Variants in KCND2 observed in about 807,000 individuals in gnomAD.
The protein encoded by KCND2 is A-type voltage-gated potassium channel KCND2.
KCND2 carries 16 observed loss-of-function variants against 54.4 expected under a neutral mutation model. The ratio of observed to expected loss-of-function variants is 0.29; its 90% confidence interval spans 0.20 to 0.45. KCND2 has a LOEUF of 0.45. Ranked by LOEUF, KCND2 falls within the 20% of genes least tolerant of loss-of-function variation. The pLI, the probability that KCND2 is intolerant of heterozygous loss-of-function variation, is 1.00. For synonymous variants in KCND2, 317 were observed against 310.7 expected (o/e 1.02, Z -0.21); for missense variants, 486 against 824.2 (o/e 0.59, Z 5.02).
At chr7:120,671,466 C>A (rs534426215) in intron 1 of KCND2, among the ~76,000 whole-genome samples, 2 of 152,076 alleles carry the variant, frequency 1.3e-5, no homozygotes, top group South Asian at 4.2e-4. Flanking sequence ...GAGGTGGGGA[C>A]CTCTGCCATA....
At chr7:120,682,099 G>A (rs1465804522) in intron 1 of KCND2, among the ~76,000 whole-genome samples, 1 of 152,016 alleles carries the variant, frequency 6.6e-6, no homozygotes, top group Non-Finnish European at 1.5e-5. Context: ...GAGAACGTAA[G>A]TTATCATAAC....
intron 1 of KCND2, among the ~76,000 whole-genome samples, chr7:120,627,630 C>G (rs1043022649): frequency 3.3e-5 from 5 of 152,078 alleles, no homozygotes; most frequent in African/African-American, 1.2e-4. Context: ...GATGAGCTAG[C>G]CTTTTCTATT....
At chr7:120,708,550 G>A (rs1201992972) in intron 1 of KCND2, among the ~76,000 whole-genome samples, 2 of 152,024 alleles carry the variant, frequency 1.3e-5, no homozygotes, top group Admixed American at 6.6e-5. Flanking sequence ...ATTATAAAAT[G>A]TATTATGTAT....
chr7:120,599,554 T>C (rs1452618552), intron 1 of KCND2, among the ~76,000 whole-genome samples: 1 of 152,078 alleles, frequency 6.6e-6, no homozygotes, highest in Non-Finnish European at 1.5e-5. Flanking sequence ...CACATTTTGC[T>C]ACATTTAAAT....
rs994365192 is a variant in KCND2 at position 120,335,452 on chromosome 7, TTTATTTACTTACTTAC to T, written c.1115+59713_1115+59728del. ...ATGGCTTGCTTTATTTATTTATTTA[TTTATTTACTTACTTAC>T]TTATTTATTTATTTATTTATTTATT... On this transcript the variant is annotated intron_variant, in intron 1 of 5. Transcript: ENST00000331113. 5.2e-5 allele frequency among the ~76,000 whole-genome samples: 7 copies of T among 134,528 alleles called. No individual in the cohort carries two copies. The East Asian group carries it at 1.1e-3, about 20-fold the overall frequency. 88.3% of individuals were successfully genotyped at this position (134,528 alleles called of 152,430 possible). A position where few individuals can be genotyped will look rare whatever the true frequency, so the allele number is the denominator to read the frequency against.
chr7:120,389,260 A>T (rs1801038051), intron 1 of KCND2, among the ~76,000 whole-genome samples: 1 of 151,932 alleles, frequency 6.6e-6, no homozygotes, highest in Non-Finnish European at 1.5e-5. Context: ...TATTATATAT[A>T]TGCCTAAGAT....
intron 1 of KCND2, among the ~76,000 whole-genome samples, chr7:120,687,176 C>G (rs1247885782): frequency 6.6e-6 from 1 of 152,084 alleles, no homozygotes; most frequent in Non-Finnish European, 1.5e-5. Context: ...TACATGATTC[C>G]ACGTTCTTCT....
At chr7:120,637,798 T>A (rs1196946363) in intron 1 of KCND2, among the ~76,000 whole-genome samples, 3 of 152,114 alleles carry the variant, frequency 2.0e-5, no homozygotes, top group Admixed American at 6.6e-5. Flanking sequence ...ATCAATAGTC[T>A]GGCAAGTACG....
At chr7:120,550,309 A>G (rs550625149) in intron 1 of KCND2, among the ~76,000 whole-genome samples, 2 of 152,156 alleles carry the variant, frequency 1.3e-5, no homozygotes, top group South Asian at 4.2e-4. Flanking sequence ...TATTTTACCA[A>G]TGGGGGAAAA....
At chr7:120,428,569 T>C (rs1193363239) in intron 1 of KCND2, among the ~76,000 whole-genome samples, 1 of 152,200 alleles carries the variant, frequency 6.6e-6, no homozygotes, top group Non-Finnish European at 1.5e-5. Context: ...AAGTGGCAGA[T>C]GGCAAAAGAC....
At chr7:120,496,678 C>A (rs1802852537) in intron 1 of KCND2, among the ~76,000 whole-genome samples, 2 of 152,246 alleles carry the variant, frequency 1.3e-5, no homozygotes, top group African/African-American at 4.8e-5. Context: ...CCTGCCTCGG[C>A]CTCCCAAAGT....
intron 1 of KCND2, among the ~76,000 whole-genome samples, chr7:120,640,624 CA>C (rs966330239): frequency 2.3e-4 from 33 of 142,784 alleles, no homozygotes; most frequent in East Asian, 8.0e-4. Flanking sequence ...ATCAAATGTC[CA>C]AAAAAAAAAG....
intron 1 of KCND2, among the ~76,000 whole-genome samples, chr7:120,359,627 T>G (rs1435840488): frequency 1.3e-5 from 2 of 152,160 alleles, no homozygotes; most frequent in Non-Finnish European, 2.9e-5. Flanking sequence ...TAAGAACTTC[T>G]TTTGATAATA....
intron 1 of KCND2, among the ~76,000 whole-genome samples, chr7:120,610,608 C>T (rs1792941890): frequency 6.6e-6 from 1 of 152,068 alleles, no homozygotes; most frequent in Admixed American, 6.6e-5. Context: ...TGCGGGTCTG[C>T]AGACTTGTAC....
intron 1 of KCND2, among the ~76,000 whole-genome samples, chr7:120,489,103 A>T (rs1480352731): frequency 1.3e-5 from 2 of 152,124 alleles, no homozygotes; most frequent in Non-Finnish European, 2.9e-5. Flanking sequence ...CATGGGCCAA[A>T]ATAATACTAT....
intron 1 of KCND2, among the ~76,000 whole-genome samples, chr7:120,619,921 A>G (rs781374633): frequency 6.6e-6 from 1 of 152,176 alleles, no homozygotes; most frequent in African/African-American, 2.4e-5. Context: ...TATCATCCCT[A>G]GTCACGATGG....
At chr7:120,644,960 T>A (rs1793420278) in intron 1 of KCND2, among the ~76,000 whole-genome samples, 1 of 152,228 alleles carries the variant, frequency 6.6e-6, no homozygotes, top group African/African-American at 2.4e-5. Context: ...TTTTTTCCTA[T>A]GAAGTTTTTC....
chr7:120,348,659 AAC>A (rs1354170260), intron 1 of KCND2, among the ~76,000 whole-genome samples: 1 of 152,174 alleles, frequency 6.6e-6, no homozygotes, highest in African/African-American at 2.4e-5. Context: ...TTTGTGAGCA[AAC>A]ACATTCTCAT....
At chr7:120,490,194 A>T (rs1036565503) in intron 1 of KCND2, among the ~76,000 whole-genome samples, 1 of 151,224 alleles carries the variant, frequency 6.6e-6, no homozygotes, top group Admixed American at 6.6e-5. Context: ...TTGGATGGAA[A>T]TTAAATTACA....
Sources: gnomAD v4.1 joint callset for allele counts (sites outside exome capture counted in the v4.1 genomes callset) on GRCh38, gnomAD v4.1.1 for gene constraint, MANE v1.5 for transcripts, NCBI Gene and HGNC (gene_info 2026-07-23, HGNC 2026-07-21) for gene names.